COQ8A: variants seen among roughly 807,000 people sequenced by gnomAD.
COQ8A encodes coenzyme Q8A.
A neutral mutation model predicts 65.0 loss-of-function variants in COQ8A; 51 were observed. The observed-to-expected ratio is 0.78, with a 90% CI of 0.63 to 0.99. The LOEUF (loss-of-function observed/expected upper bound fraction) is 0.99, where lower values mean the gene tolerates loss of function less well. Among genes scored for constraint, COQ8A ranks in the 50% least tolerant of loss-of-function variants. COQ8A has a pLI of 0.00. For missense variants in COQ8A, 940 were observed against 875.0 expected (o/e 1.07, Z -0.94); for synonymous variants, 371 against 353.2 (o/e 1.05, Z -0.57).
chr1:226,984,479 T>C, intron 11 of COQ8A, 69 bp from the exon 12 acceptor site: 1 of 1,415,138 alleles, frequency 7.1e-7, no homozygotes, highest in Non-Finnish European at 1.0e-6. Context: ...GGGGCTTCTC[T>C]GGCCCCAGTC....
intron 5 of COQ8A, 105 bp downstream of exon 5, chr1:226,977,628 G>A (rs543207981): frequency 3.2e-6 from 4 of 1,255,278 alleles, no homozygotes; most frequent in African/African-American, 3.0e-5. Flanking sequence ...CAGCTGGGCC[G>A]CATTTGCATG....
At position 226,985,896 on chromosome 1, in the gene COQ8A, C is replaced by T. The variant is rs187730457; in HGVS notation, c.1659+556C>T. On this transcript the variant is annotated intron_variant, in intron 14 of 14. Coordinates refer to ENST00000366777, the MANE Select transcript of COQ8A (RefSeq NM_020247.5). ...GAGCCCCCCTTATCTCAGCTGTAAG[C>T]GCTCAGCGGGCAGCAGCTCTCTCCC... Among the ~76,000 whole-genome samples the T allele has an allele frequency of 5.9e-5, 9 of 152,184 alleles. No individual in the cohort carries two copies. The South Asian group carries it at 6.2e-4, about 11-fold the overall frequency.
Position 226,962,009 on chromosome 1 carries a change from C to T in COQ8A, c.177+447C>T, listed in dbSNP as rs562602337. 2.6e-5 allele frequency among the ~76,000 whole-genome samples: 4 copies of T among 152,340 alleles called. No individual in the cohort carries two copies. In the East Asian group the frequency reaches 7.7e-4, roughly 29 times the overall value. On this transcript the variant is annotated intron_variant, in intron 2 of 14. Coordinates refer to ENST00000366777, the MANE Select transcript of COQ8A (RefSeq NM_020247.5). ...TCATGACTTAATTACTTCCCAAAGG[C>T]CCCACCTCCCAATACTATCACACTA...
At chr1:226,941,533 G>A (rs952935224) in intron 1 of COQ8A, among the ~76,000 whole-genome samples, 2 of 152,108 alleles carry the variant, frequency 1.3e-5, no homozygotes, top group Non-Finnish European at 2.9e-5. Context: ...TTGGGAGTCC[G>A]AGGCGGGTGG....
intron 4 of COQ8A, among the ~76,000 whole-genome samples, chr1:226,976,251 A>G (rs1232213870): frequency 4.4e-4 from 31 of 70,726 alleles, no homozygotes; most frequent in African/African-American, 5.1e-4. Context: ...GGGCTGTGGG[A>G]CTGCGATGTT....
intron 4 of COQ8A, among the ~76,000 whole-genome samples, chr1:226,976,424 G>A (rs966953428): frequency 5.3e-5 from 8 of 150,500 alleles, no homozygotes; most frequent in African/African-American, 1.2e-4. Flanking sequence ...GCCTGGCTTC[G>A]GGGCTGCGGG....
rs1016847169 is a variant in COQ8A at position 226,949,267 on chromosome 1, A to G, written c.-10+8868A>G. Among the ~76,000 whole-genome samples, 3 of 151,936 alleles carry G rather than the reference A, an allele frequency of 2.0e-5. No homozygotes were observed. The highest frequency in any genetic ancestry group is 6.6e-5 in the Admixed American group (1 of 15,248). On this transcript the variant is annotated intron_variant, in intron 1 of 14. Coordinates refer to ENST00000366777, the MANE Select transcript of COQ8A (RefSeq NM_020247.5). This position sits in a 1 kb window ranked among gnomAD's most constrained non-coding sequence, Gnocchi z 4.0. ...TCAGGCGCAGGAGTTTGGGTTTTAT[A>G]TATATGTCTACATACATGTCTACAG...
At position 226,980,795 on chromosome 1, in the gene COQ8A, C is replaced by T. The variant is rs187195669; in HGVS notation, c.731-1232C>T. On this transcript the variant is annotated intron_variant, in intron 5 of 14. Transcript: ENST00000366777. ...AGCTGCCTGCATGTGTGGGCAGATGCGGGTCTTCTCCGAGGCTCCTCTTCC... is the reference window on the plus strand; with the variant it reads ...AGCTGCCTGCATGTGTGGGCAGATGTGGGTCTTCTCCGAGGCTCCTCTTCC... Among the ~76,000 whole-genome samples, 105 of 152,328 alleles carry T rather than the reference C, an allele frequency of 6.9e-4. No homozygotes were observed. In the East Asian group the frequency reaches 0.017, roughly 25 times the overall value.
At chr1:226,953,174 C>A (rs943258871) in intron 1 of COQ8A, among the ~76,000 whole-genome samples, 3 of 152,128 alleles carry the variant, frequency 2.0e-5, no homozygotes, top group African/African-American at 7.2e-5. Flanking sequence ...GGATTACAGG[C>A]GCATGCCACC....
rs1324485947 is a variant in COQ8A, at chr1:226,972,726, A to C, written c.656-4723A>C. Among the ~76,000 whole-genome samples the C allele has an allele frequency of 6.6e-6, 1 of 152,194 alleles. No homozygotes were observed. Among genetic ancestry groups the C allele is most frequent in the Non-Finnish European group, 1.5e-5 (1 of 68,036 alleles). Reference sequence around the variant, plus strand: ...TTTTGTGTCCCTCATCTCAGTGGTAAAATTTAAAACAAACATTGGGTGAAT... The same window carrying C: ...TTTTGTGTCCCTCATCTCAGTGGTACAATTTAAAACAAACATTGGGTGAAT... On this transcript the variant is annotated intron_variant, in intron 4 of 14. Transcript: ENST00000366777. The surrounding 1 kb of genome is among the most constrained non-coding windows in gnomAD (Gnocchi z 4.3).
intron 1 of COQ8A, among the ~76,000 whole-genome samples, chr1:226,957,228 T>C (rs1168248574): frequency 2.6e-5 from 3 of 115,400 alleles, no homozygotes; most frequent in Non-Finnish European, 5.2e-5. Context: ...GTTCACACTC[T>C]CCCTAGTTCA....
chr1:226,945,251 G>A (rs1351994977), intron 1 of COQ8A, among the ~76,000 whole-genome samples: 2 of 152,180 alleles, frequency 1.3e-5, no homozygotes, highest in Admixed American at 1.3e-4. Flanking sequence ...GAGGTCACCC[G>A]CGCTTGGTGG....
At chr1:226,983,120 C>A in intron 8 of COQ8A, 86 bp downstream of exon 8, 1 of 1,498,678 alleles carries the variant, frequency 6.7e-7, no homozygotes. Context: ...CTCTACACCC[C>A]ACGTCCCGCA....
At position 226,986,886 on chromosome 1, in the gene COQ8A, A is replaced by C. The variant is rs1660153694; in HGVS notation, c.*149A>C. The C allele has an allele frequency of 1.0e-6, 1 of 959,380 alleles. No homozygotes were observed. The allele number at this position is 959,380 out of a possible 1,614,324, so 59.4% of individuals were successfully genotyped here. ...TGGAGCCCCGTAGCCAGCGCTTTCC[A>C]CGGTTTCTGTTGCTAAATGGTTGTA... On this transcript the variant is annotated 3_prime_UTR_variant, in exon 15 of 15. Coordinates refer to ENST00000366777, the MANE Select transcript of COQ8A (RefSeq NM_020247.5).
At chr1:226,970,523 G>A (rs752027199) in intron 4 of COQ8A, among the ~76,000 whole-genome samples, 6 of 152,158 alleles carry the variant, frequency 3.9e-5, no homozygotes, top group Non-Finnish European at 7.4e-5. Flanking sequence ...TATCACTGTC[G>A]TATATGCAGT....
At chr1:226,986,034 T>C (rs1660088576) in intron 14 of COQ8A, among the ~76,000 whole-genome samples, 1 of 152,178 alleles carries the variant, frequency 6.6e-6, no homozygotes, top group South Asian at 2.1e-4. Context: ...TGGCGGCGGC[T>C]TCCTTAGGTT....
intron 4 of COQ8A, among the ~76,000 whole-genome samples, chr1:226,973,382 G>C (rs1401864612): frequency 6.6e-6 from 1 of 152,230 alleles, no homozygotes; most frequent in African/African-American, 2.4e-5. Context: ...AGATGAGGAA[G>C]CTGAGCCAAG....
intron 2 of COQ8A, among the ~76,000 whole-genome samples, chr1:226,963,338 C>T (rs1022281801): frequency 1.3e-5 from 2 of 152,240 alleles, no homozygotes; most frequent in East Asian, 3.9e-4. Context: ...AGGAAGGTCA[C>T]GGACTCCAGG....
intron 1 of COQ8A, among the ~76,000 whole-genome samples, chr1:226,953,785 G>C (rs936776854): frequency 6.6e-6 from 1 of 152,192 alleles, no homozygotes; most frequent in Non-Finnish European, 1.5e-5. Context: ...TAGAAGCCGG[G>C]AGTTGCCCGA....
Sources: allele counts gnomAD v4.1 joint callset (sites outside exome capture counted in the v4.1 genomes callset), GRCh38; gene constraint gnomAD v4.1.1; non-coding constraint Gnocchi (gnomAD v3.1); transcripts MANE v1.5; gene names NCBI Gene and HGNC (gene_info 2026-07-23, HGNC 2026-07-21).